SRFBP1: variants seen among roughly 807,000 people sequenced by gnomAD.
SRFBP1 encodes serum response factor-binding protein 1.
In SRFBP1, 47 loss-of-function variants were observed where a neutral mutation model predicts 45.5. That is an observed-to-expected ratio of 1.03 (90% confidence interval 0.82 to 1.32). The LOEUF is 1.32. Ranked by LOEUF, SRFBP1 falls within the 40% of genes most tolerant of loss-of-function variation. The pLI, the probability that SRFBP1 is intolerant of heterozygous loss-of-function variation, is 0.00. For missense variants in SRFBP1, 621 were observed against 484.6 expected (o/e 1.28, Z -2.64); for synonymous variants, 203 against 166.3 (o/e 1.22, Z -1.70).
chr5:121,994,569 C>T (rs777060900), intron 3 of SRFBP1, 30 bp from the exon 4 acceptor site: 14 of 1,481,704 alleles, frequency 9.4e-6, no homozygotes, highest in Middle Eastern at 1.7e-4. Flanking sequence ...AGACACATAA[C>T]TAAAATTAAT....
At chr5:122,003,757 T>C (rs1310752262) in intron 4 of SRFBP1, among the ~76,000 whole-genome samples, 2 of 152,202 alleles carry the variant, frequency 1.3e-5, no homozygotes, top group Non-Finnish European at 2.9e-5. Flanking sequence ...GCCATTCTTA[T>C]GGGTTAGAGG....
chr5:122,056,312 G>A (rs79804163), intron 2 of SRFBP1, among the ~76,000 whole-genome samples: 5,844 of 152,182 alleles, frequency 0.038, 329 homozygotes, highest in African/African-American at 0.12. Context: ...CCAGCTGAAT[G>A]TAAATAAGGA....
intron 3 of SRFBP1, among the ~76,000 whole-genome samples, chr5:121,991,580 C>T (rs1338997347): frequency 1.3e-5 from 2 of 152,046 alleles, no homozygotes; most frequent in Non-Finnish European, 2.9e-5. Flanking sequence ...CAAAAGGAGC[C>T]TTATTCTGAA....
chr5:121,966,499 A>G (rs145263740), intron 1 of SRFBP1, among the ~76,000 whole-genome samples: 6 of 152,326 alleles, frequency 3.9e-5, no homozygotes, highest in African/African-American at 1.4e-4. Context: ...TAATGTTCAA[A>G]TGAGAGGGAA....
At chr5:122,053,785 A>G (rs1305138056) in intron 2 of SRFBP1, among the ~76,000 whole-genome samples, 2 of 152,186 alleles carry the variant, frequency 1.3e-5, no homozygotes, top group Admixed American at 1.3e-4. Flanking sequence ...CCCCTGGGCC[A>G]GAAACTCTAG....
rs1248870351 is a variant in SRFBP1 at position 122,001,592 on chromosome 5, T to G, written c.270+6922T>G. 3.4e-5 allele frequency among the ~76,000 whole-genome samples: 5 copies of G among 145,114 alleles called. No individual in the cohort carries two copies. The East Asian group carries it at 6.1e-4, about 18-fold the overall frequency. On this transcript the variant is annotated intron_variant, in intron 4 of 7. Coordinates refer to ENST00000339397, the MANE Select transcript of SRFBP1 (RefSeq NM_152546.3). ...TTTTTTGAGACGGAGTCTCGCTCTG[T>G]CGCCCAGGCCGGACTGCGGATTGCA...
intron 3 of SRFBP1, among the ~76,000 whole-genome samples, chr5:121,981,482 A>T (rs1752406443): frequency 6.6e-6 from 1 of 151,266 alleles, no homozygotes; most frequent in South Asian, 2.1e-4. Context: ...CCTGAATGAT[A>T]TACAAGACCC....
intron 3 of SRFBP1, 58 bp downstream of exon 3, chr5:121,975,445 A>G (rs1394437625): frequency 8.8e-6 from 14 of 1,590,696 alleles, no homozygotes; most frequent in South Asian, 3.3e-5. Flanking sequence ...GTTATCCTGC[A>G]TTTTGTTTGT....
intron 4 of SRFBP1, among the ~76,000 whole-genome samples, chr5:122,017,852 C>A (rs1306040560): frequency 2.0e-5 from 3 of 152,174 alleles, no homozygotes; most frequent in Non-Finnish European, 4.4e-5. Flanking sequence ...GGTTGTTTTA[C>A]TTTCACACAC....
intron 3 of SRFBP1, among the ~76,000 whole-genome samples, chr5:121,993,998 T>C (rs1344414753): frequency 6.6e-6 from 1 of 152,034 alleles, no homozygotes. Context: ...TATGTGATAA[T>C]TTTTATCAAT....
intron 7 of SRFBP1, among the ~76,000 whole-genome samples, chr5:122,024,558 G>A (rs1753433664): frequency 6.6e-6 from 1 of 152,086 alleles, no homozygotes. Flanking sequence ...TTGAATGTGA[G>A]GTTTTTATGG....
chr5:122,037,096 C>T (rs1753705233), intron 2 of SRFBP1, among the ~76,000 whole-genome samples: 1 of 152,086 alleles, frequency 6.6e-6, no homozygotes, highest in Admixed American at 6.6e-5. Context: ...CAGGGTTTCT[C>T]TATATTGATC....
At chr5:121,991,354 A>G (rs1752617704) in intron 3 of SRFBP1, among the ~76,000 whole-genome samples, 2 of 152,170 alleles carry the variant, frequency 1.3e-5, no homozygotes, top group Non-Finnish European at 2.9e-5. Flanking sequence ...TCTCCCTTAA[A>G]AAATAGATAT....
chr5:121,994,463 A>T (rs1356597465), intron 3 of SRFBP1, 136 bp from the exon 4 acceptor site: 1 of 630,014 alleles, frequency 1.6e-6, no homozygotes, highest in Non-Finnish European at 2.8e-6. Flanking sequence ...ACTCTGTCAT[A>T]TTTTATGGGA....
chr5:122,078,310 T>C (rs1754701640), downstream of SRFBP1: 1 of 246,472 alleles, frequency 4.1e-6, no homozygotes. Flanking sequence ...GTTTGCAAAG[T>C]TACACAAGCC....
intron 3 of SRFBP1, among the ~76,000 whole-genome samples, chr5:121,991,676 G>T (rs540436283): frequency 1.3e-5 from 2 of 152,192 alleles, no homozygotes; most frequent in South Asian, 4.1e-4. Context: ...TTTTTGTGTT[G>T]TCTAAAAAAA....
intron 2 of SRFBP1, chr5:122,064,866 A>G (rs1308818820): frequency 1.3e-5 from 2 of 152,058 alleles, no homozygotes; most frequent in Admixed American, 6.6e-5. Context: ...CCTAGTTTTT[A>G]ATACAAGCTT....
chr5:122,009,587 T>C (rs1317722269), intron 4 of SRFBP1, among the ~76,000 whole-genome samples: 1 of 152,196 alleles, frequency 6.6e-6, no homozygotes, highest in African/African-American at 2.4e-5. Flanking sequence ...AGTAGAAGGA[T>C]AGATTCATGC....
At position 122,020,450 on chromosome 5, in the gene SRFBP1, T is replaced by C; in HGVS notation, c.715T>C (p.Ser239Pro). The C allele has an allele frequency of 6.2e-7, 1 of 1,613,924 alleles. No individual in the cohort carries two copies. ...AAGTCAAACCAAAAAAAACAAAGGA[T>C]CTGATAGCTCACTCTCTGGTAACAG... is the stretch of plus-strand genomic sequence containing the variant. ...TLSQTKKNKGSDSSLSGNSDG... is the reference protein window; with the variant it reads ...TLSQTKKNKGPDSSLSGNSDG... The change falls in exon 6 of 8, where the codon TCT becomes CCT. Residue 239 changes from serine (S) to proline (P), a missense_variant. Physicochemically the swap from Ser to Pro is moderately conservative, Grantham distance 74. Transcript: ENST00000339397.
Sources: allele counts gnomAD v4.1 joint callset (sites outside exome capture counted in the v4.1 genomes callset), GRCh38; gene constraint gnomAD v4.1.1; transcripts MANE v1.5; gene names NCBI Gene and HGNC (gene_info 2026-07-23, HGNC 2026-07-21).